Variants in CDKAL1 observed in about 807,000 individuals in gnomAD.
The protein encoded by CDKAL1 is threonylcarbamoyladenosine tRNA methylthiotransferase.
Under a neutral mutation model 68.2 loss-of-function variants are expected in CDKAL1, and 32 were observed. The ratio of observed to expected loss-of-function variants is 0.47; its 90% CI spans 0.35 to 0.63. The LOEUF is 0.63. CDKAL1 is among the 30% of genes least tolerant of loss of function. CDKAL1 has a pLI of 0.00. For missense variants in CDKAL1, 606 were observed against 696.7 expected, an observed-to-expected ratio of 0.87 and a Z score of 1.47; for synonymous variants, 234 against 244.3, an observed-to-expected ratio of 0.96 and a Z score of 0.39.
intron 10 of CDKAL1, among the ~76,000 whole-genome samples, chr6:20,987,274 T>C (rs1402689217): frequency 1.3e-5 from 2 of 151,704 alleles, no homozygotes; most frequent in Non-Finnish European, 2.9e-5. Flanking sequence ...TTTTTTTTTT[T>C]TTTTTTGAGA....
chr6:20,920,982 CTGAAAGTTT>C (rs1762928670), intron 9 of CDKAL1, among the ~76,000 whole-genome samples: 2 of 12,268 alleles, frequency 1.6e-4, no homozygotes, highest in Non-Finnish European at 3.2e-4. Flanking sequence ...AGATATGTAA[CTGAAAGTTT>C]TCTCTTTAGA....
At chr6:20,585,060 T>TC (rs1435329183) in intron 4 of CDKAL1, among the ~76,000 whole-genome samples, 1 of 149,152 alleles carries the variant, frequency 6.7e-6, no homozygotes, top group Non-Finnish European at 1.5e-5. Context: ...CTTGTTTCTT[T>TC]TTTTTTTTTT....
At chr6:21,082,278 G>A (rs1008748065) in intron 12 of CDKAL1, among the ~76,000 whole-genome samples, 1 of 152,048 alleles carries the variant, frequency 6.6e-6, no homozygotes, top group African/African-American at 2.4e-5. Flanking sequence ...GAAGGGCAGG[G>A]GAAGAAACCT....
chr6:20,886,794 A>G (rs1435441712), intron 9 of CDKAL1, among the ~76,000 whole-genome samples: 7 of 152,204 alleles, frequency 4.6e-5, no homozygotes, highest in African/African-American at 1.7e-4. Flanking sequence ...TCAGGTGATG[A>G]AAAAGCTTTG....
intron 8 of CDKAL1, among the ~76,000 whole-genome samples, chr6:20,814,983 A>T (rs902396377): frequency 6.6e-6 from 1 of 152,182 alleles, no homozygotes; most frequent in Non-Finnish European, 1.5e-5. Flanking sequence ...ACCATGTTGG[A>T]GAATCTGTGA....
chr6:21,138,204 A>G (rs1775713666), intron 13 of CDKAL1, among the ~76,000 whole-genome samples: 1 of 149,648 alleles, frequency 6.7e-6, no homozygotes, highest in South Asian at 2.2e-4. Flanking sequence ...CTCAGCCATA[A>G]TAACCCACAT....
At chr6:20,848,374 A>G (rs1054857081) in intron 9 of CDKAL1, among the ~76,000 whole-genome samples, 4 of 151,268 alleles carry the variant, frequency 2.6e-5, no homozygotes, top group African/African-American at 9.8e-5. Flanking sequence ...TCAGAAACAT[A>G]GTTTGTATAA....
chr6:20,799,044 T>TTTTTTG (rs1776247176), intron 8 of CDKAL1, among the ~76,000 whole-genome samples: 1 of 102,588 alleles, frequency 9.7e-6, no homozygotes, highest in Non-Finnish European at 2.0e-5. Flanking sequence ...AACTGAGTTT[T>TTTTTTG]TTTTTTTTTT....
chr6:21,199,159 G>C (rs1778588276), intron 14 of CDKAL1, among the ~76,000 whole-genome samples: 1 of 152,232 alleles, frequency 6.6e-6, no homozygotes, highest in Admixed American at 6.5e-5. Flanking sequence ...TGAAGGCCAA[G>C]GTGGACAAGT....
At chr6:20,693,746 A>G (rs1218860452) in intron 5 of CDKAL1, among the ~76,000 whole-genome samples, 1 of 149,528 alleles carries the variant, frequency 6.7e-6, no homozygotes. Context: ...AAGTAATACT[A>G]AAAGCTTTCA....
intron 5 of CDKAL1, among the ~76,000 whole-genome samples, chr6:20,710,327 A>G (rs191156353): frequency 1.3e-5 from 2 of 152,318 alleles, no homozygotes; most frequent in African/African-American, 4.8e-5. Flanking sequence ...AGCTATGTTT[A>G]GAAACACAAA....
intron 9 of CDKAL1, among the ~76,000 whole-genome samples, chr6:20,900,418 CA>C (rs1761904635): frequency 6.6e-6 from 1 of 152,216 alleles, no homozygotes; most frequent in East Asian, 1.9e-4. Flanking sequence ...GTGAGAAGCA[CA>C]AGGCTTCTCT....
At chr6:20,848,093 T>C (rs1778442315) in intron 9 of CDKAL1, among the ~76,000 whole-genome samples, 1 of 152,156 alleles carries the variant, frequency 6.6e-6, no homozygotes, top group Non-Finnish European at 1.5e-5. Context: ...CATACTCCTA[T>C]GCAAACATCC....
chr6:20,780,041 G>C (rs1775346862), intron 7 of CDKAL1, among the ~76,000 whole-genome samples: 1 of 149,142 alleles, frequency 6.7e-6, no homozygotes, highest in Admixed American at 6.7e-5. Context: ...TTGAGCCCAG[G>C]AGTTTGAAAT....
chr6:21,162,041 C>T (rs1244660764), intron 13 of CDKAL1, among the ~76,000 whole-genome samples: 2 of 152,034 alleles, frequency 1.3e-5, no homozygotes, highest in South Asian at 2.1e-4. Context: ...TAATTTATGC[C>T]GATATTTTCT....
chr6:20,784,440 T>TTTTTG (rs1775579993), intron 8 of CDKAL1, among the ~76,000 whole-genome samples: 1 of 121,950 alleles, frequency 8.2e-6, no homozygotes, highest in Non-Finnish European at 1.7e-5. Flanking sequence ...TTTTTTTTTT[T>TTTTTG]TGAGACAGAG....
At chr6:21,066,370 G>A (rs1486059831) in intron 12 of CDKAL1, among the ~76,000 whole-genome samples, 6 of 152,078 alleles carry the variant, frequency 3.9e-5, no homozygotes, top group African/African-American at 1.2e-4. Context: ...AAAAAAAGCA[G>A]ATTGTAACAC....
chr6:21,215,719 G>C (rs968562952), intron 15 of CDKAL1, among the ~76,000 whole-genome samples: 1 of 152,136 alleles, frequency 6.6e-6, no homozygotes, highest in Non-Finnish European at 1.5e-5. Context: ...TAGATATCCG[G>C]TGCTTTTCTC....
chr6:21,016,144 A>G (rs1582033891), intron 11 of CDKAL1, among the ~76,000 whole-genome samples: 2 of 138,838 alleles, frequency 1.4e-5, no homozygotes, highest in East Asian at 2.2e-4. Context: ...ATATGTGTAT[A>G]TATATGTGTA....
Sources: gnomAD v4.1 joint callset for allele counts (sites outside exome capture counted in the v4.1 genomes callset) on GRCh38, gnomAD v4.1.1 for gene constraint, MANE v1.5 for transcripts, NCBI Gene and HGNC (gene_info 2026-07-23, HGNC 2026-07-21) for gene names.